The following LYPD6 variants were observed in gnomAD, a reference collection of about 807,000 sequenced individuals.
LYPD6 encodes LY6/PLAUR domain containing 6, also known as ly6/PLAUR domain-containing protein 6.
Under a neutral mutation model 22.7 loss-of-function variants are expected in LYPD6, and 15 were observed. That is an observed-to-expected ratio of 0.66 (90% CI 0.44 to 1.02). The LOEUF is 1.02. Ranked by LOEUF, LYPD6 falls within the 50% of genes least tolerant of loss-of-function variation. LYPD6 has a pLI of 0.00. For missense variants in LYPD6, 189 were observed against 208.4 expected (o/e 0.91, Z 0.57); for synonymous variants, 72 against 77.5 (o/e 0.93, Z 0.37).
chr2:149,383,144 A>G (rs1235464759), intron 1 of LYPD6, among the ~76,000 whole-genome samples: 1 of 152,140 alleles, frequency 6.6e-6, no homozygotes, highest in Non-Finnish European at 1.5e-5. Flanking sequence ...TATCACCACT[A>G]TTTCCAAAAC....
chr2:149,375,694 C>T (rs999359088), intron 1 of LYPD6, among the ~76,000 whole-genome samples: 6 of 152,136 alleles, frequency 3.9e-5, no homozygotes, highest in African/African-American at 7.2e-5. Context: ...TTCCCAAGTG[C>T]TATAAAGAGA....
chr2:149,343,332 TAA>T (rs5835274), intron 1 of LYPD6, among the ~76,000 whole-genome samples: 1 of 151,624 alleles, frequency 6.6e-6, no homozygotes, highest in South Asian at 2.1e-4. Flanking sequence ...TATAATAGAT[TAA>T]AAAAAAACTT....
chr2:149,424,667 T>C (rs994823989), intron 1 of LYPD6, among the ~76,000 whole-genome samples: 1 of 152,010 alleles, frequency 6.6e-6, no homozygotes, highest in African/African-American at 2.4e-5. Flanking sequence ...ACTTCAGTAG[T>C]GAATTGAAGG....
At chr2:149,451,495 T>G (rs559867005) in intron 3 of LYPD6, among the ~76,000 whole-genome samples, 1 of 152,212 alleles carries the variant, frequency 6.6e-6, no homozygotes, top group Non-Finnish European at 1.5e-5. Flanking sequence ...GAAAAAGGAA[T>G]GTGAACTGGT....
Position 149,437,691 on chromosome 2 carries a change from G to C in LYPD6, c.-18G>C. On this transcript the variant is annotated 5_prime_UTR_variant, in exon 2 of 5. Coordinates refer to ENST00000334166, the MANE Select transcript of LYPD6 (RefSeq NM_194317.5). ...GCCCACTCCCAGGCCCTCTGTATGA[G>C]TGACACTTCAGTCTGCCATGGAACC... 5.6e-6 allele frequency: 9 copies of C among 1,613,844 alleles called. No individual in the cohort carries two copies. Among genetic ancestry groups the C allele is most frequent in the Non-Finnish European group, 7.6e-6 (9 of 1,179,974 alleles).
chr2:149,356,167 T>A (rs1178928870), intron 1 of LYPD6, among the ~76,000 whole-genome samples: 1 of 152,058 alleles, frequency 6.6e-6, no homozygotes, highest in East Asian at 1.9e-4. Context: ...GGGAGTGATG[T>A]CCTCAGATGC....
chr2:149,377,095 A>G (rs1681938123), intron 1 of LYPD6, among the ~76,000 whole-genome samples: 1 of 152,218 alleles, frequency 6.6e-6, no homozygotes, highest in Admixed American at 6.5e-5. Context: ...TATTGCTGCT[A>G]AGAAAACTGA....
intron 1 of LYPD6, among the ~76,000 whole-genome samples, chr2:149,382,278 CTT>C (rs1476227822): frequency 6.6e-6 from 1 of 152,154 alleles, no homozygotes; most frequent in African/African-American, 2.4e-5. Flanking sequence ...TGGAATTGCT[CTT>C]CTTACCTTGC....
At chr2:149,366,184 T>C (rs1681660420) in intron 1 of LYPD6, among the ~76,000 whole-genome samples, 2 of 152,222 alleles carry the variant, frequency 1.3e-5, no homozygotes, top group African/African-American at 4.8e-5. Context: ...ACTGCCTGCC[T>C]TTTTTATTAA....
At chr2:149,341,498 A>T (rs1446107230) in intron 1 of LYPD6, among the ~76,000 whole-genome samples, 1 of 152,176 alleles carries the variant, frequency 6.6e-6, no homozygotes, top group African/African-American at 2.4e-5. Flanking sequence ...TGTTTTGCAT[A>T]GAGTAAGCCC....
chr2:149,463,190 C>G (rs939195152), intron 3 of LYPD6, among the ~76,000 whole-genome samples: 2 of 151,902 alleles, frequency 1.3e-5, no homozygotes, highest in East Asian at 3.9e-4. Context: ...TCAGAACACA[C>G]CAGTAAACAA....
intron 1 of LYPD6, among the ~76,000 whole-genome samples, chr2:149,367,028 A>G (rs532879877): frequency 2.0e-5 from 3 of 152,060 alleles, no homozygotes; most frequent in East Asian, 3.9e-4. Flanking sequence ...GCTGAAAAAC[A>G]AAAGTTTTTT....
chr2:149,476,851 C>T (rs188720504), downstream of LYPD6, among the ~76,000 whole-genome samples: 684 of 152,286 alleles, frequency 4.5e-3, 4 homozygotes, highest in Non-Finnish European at 6.7e-3. Flanking sequence ...TCTCAGCTAC[C>T]TCCTGGCTAA....
chr2:149,465,205 T>C (rs563203625), intron 3 of LYPD6, among the ~76,000 whole-genome samples: 1 of 152,272 alleles, frequency 6.6e-6, no homozygotes, highest in Non-Finnish European at 1.5e-5. Context: ...GACAGAACTC[T>C]GAAGTCTAGG....
At chr2:149,410,434 G>A (rs751705041) in intron 1 of LYPD6, among the ~76,000 whole-genome samples, 5 of 152,064 alleles carry the variant, frequency 3.3e-5, no homozygotes, top group African/African-American at 7.2e-5. Flanking sequence ...GAACCAAGTC[G>A]GAGTTAGAAA....
intron 1 of LYPD6, among the ~76,000 whole-genome samples, chr2:149,408,347 C>G (rs1487529620): frequency 6.6e-6 from 1 of 152,172 alleles, no homozygotes; most frequent in African/African-American, 2.4e-5. Context: ...AGATTCGTTC[C>G]TTCGTCTTGA....
intron 1 of LYPD6, among the ~76,000 whole-genome samples, chr2:149,348,586 G>T (rs1681303475): frequency 6.6e-6 from 1 of 152,252 alleles, no homozygotes; most frequent in Non-Finnish European, 1.5e-5. Context: ...GGCAGGTAGA[G>T]CAAGCCAGGG....
chr2:149,438,138 G>A (rs1683478205), intron 2 of LYPD6, among the ~76,000 whole-genome samples: 2 of 152,200 alleles, frequency 1.3e-5, no homozygotes, highest in Non-Finnish European at 2.9e-5. Context: ...CCATATCCCA[G>A]AAGGAGGATT....
intron 1 of LYPD6, among the ~76,000 whole-genome samples, chr2:149,387,136 G>T (rs1169406989): frequency 6.6e-6 from 1 of 152,176 alleles, no homozygotes; most frequent in Admixed American, 6.6e-5. Flanking sequence ...AGGAAAGCCA[G>T]CCTCTTCCTT....
Sources: allele counts gnomAD v4.1 joint callset (sites outside exome capture counted in the v4.1 genomes callset), GRCh38; gene constraint gnomAD v4.1.1; transcripts MANE v1.5; gene names NCBI Gene and HGNC (gene_info 2026-07-23, HGNC 2026-07-21).